OPCML: variants seen among roughly 807,000 people sequenced by gnomAD.
OPCML encodes the protein opioid-binding protein/cell adhesion molecule.
In OPCML, 13 loss-of-function variants were observed where a neutral mutation model predicts 37.8. That is an observed-to-expected ratio of 0.34 (90% CI 0.22 to 0.55). OPCML has a LOEUF of 0.55. OPCML is among the 20% of genes least tolerant of loss of function. OPCML has a pLI of 0.91. For missense variants in OPCML, 341 were observed against 435.6 expected (o/e 0.78, Z 1.93); for synonymous variants, 176 against 168.8 (o/e 1.04, Z -0.33).
Position 133,525,479 on chromosome 11 carries a change from G to A in OPCML, c.61+6785C>T, listed in dbSNP as rs117425731. ...CCTTGTGGGTCATTTGAAGTGTTTC[G>A]AAGTCTATTCTAAAGTCAACCGGAA... On this transcript the variant is annotated intron_variant, in intron 1 of 7. Transcript: ENST00000524381. 6.4e-4 allele frequency among the ~76,000 whole-genome samples: 98 copies of A among 152,236 alleles called. 1 individual carries two copies. The highest frequency in any genetic ancestry group is 1.2e-3 in the Non-Finnish European group (82 of 68,010).
chr11:133,488,742 C>T (rs1438111193), intron 1 of OPCML, among the ~76,000 whole-genome samples: 1 of 151,922 alleles, frequency 6.6e-6, no homozygotes, highest in Non-Finnish European at 1.5e-5. Flanking sequence ...TTATATGGGA[C>T]AAAATAAAAA....
intron 2 of OPCML, among the ~76,000 whole-genome samples, chr11:132,869,249 C>T (rs1262829720): frequency 6.6e-6 from 1 of 152,144 alleles, no homozygotes; most frequent in African/African-American, 2.4e-5. Flanking sequence ...AAGGAAGACC[C>T]AGGCCTGGCA....
intron 2 of OPCML, among the ~76,000 whole-genome samples, chr11:132,769,575 A>G (rs530031075): frequency 5.3e-5 from 8 of 152,304 alleles, no homozygotes; most frequent in African/African-American, 1.9e-4. Context: ...TTCTCTTTTC[A>G]ATATCTGCTC....
intron 1 of OPCML, among the ~76,000 whole-genome samples, chr11:133,207,871 A>G (rs1467093844): frequency 2.0e-5 from 3 of 151,542 alleles, no homozygotes; most frequent in Non-Finnish European, 4.4e-5. Flanking sequence ...TTCTCCTCAC[A>G]CTCTACTGTG....
chr11:133,480,400 C>T (rs558163657), intron 1 of OPCML, among the ~76,000 whole-genome samples: 2 of 152,258 alleles, frequency 1.3e-5, no homozygotes, highest in Admixed American at 6.5e-5. Context: ...CGGCATCCCA[C>T]TGCCTTCTGC....
At chr11:133,327,992 C>A (rs1943518286) in intron 1 of OPCML, among the ~76,000 whole-genome samples, 1 of 152,114 alleles carries the variant, frequency 6.6e-6, no homozygotes, top group South Asian at 2.1e-4. Context: ...AGATATTCTT[C>A]AGTTTCCGTT....
At chr11:133,486,037 C>A (rs1299094403) in intron 1 of OPCML, among the ~76,000 whole-genome samples, 1 of 152,096 alleles carries the variant, frequency 6.6e-6, no homozygotes, top group South Asian at 2.1e-4. Context: ...GTTAGAGGAT[C>A]TTTGTTTAAG....
intron 2 of OPCML, among the ~76,000 whole-genome samples, chr11:132,903,122 T>G (rs529605921): frequency 3.3e-5 from 5 of 152,348 alleles, no homozygotes; most frequent in African/African-American, 1.2e-4. Flanking sequence ...TCTTTGAGTC[T>G]CATATTATGG....
chr11:132,687,842 T>C (rs1173656368), intron 2 of OPCML, among the ~76,000 whole-genome samples: 1 of 152,168 alleles, frequency 6.6e-6, no homozygotes, highest in South Asian at 2.1e-4. Flanking sequence ...CCATACTCAC[T>C]GAAAAGTAGA....
chr11:132,435,713 G>C (rs1030588089), intron 7 of OPCML, among the ~76,000 whole-genome samples: 1 of 152,134 alleles, frequency 6.6e-6, no homozygotes, highest in African/African-American at 2.4e-5. Context: ...CAGGTGACTT[G>C]GTTTAAAGCA....
chr11:132,628,328 CTG>C (rs1939871382), intron 3 of OPCML, among the ~76,000 whole-genome samples: 1 of 152,126 alleles, frequency 6.6e-6, no homozygotes, highest in Non-Finnish European at 1.5e-5. Flanking sequence ...TGTTTGGAAA[CTG>C]TATGAAAAAA....
chr11:132,420,666 A>G (rs191655456), intron 7 of OPCML, among the ~76,000 whole-genome samples: 9 of 152,256 alleles, frequency 5.9e-5, no homozygotes, highest in Non-Finnish European at 1.0e-4. Context: ...ACAGACAATG[A>G]TGAGTCGGGG....
intron 4 of OPCML, among the ~76,000 whole-genome samples, chr11:132,473,041 C>A (rs1306988524): frequency 6.6e-6 from 1 of 152,144 alleles, no homozygotes; most frequent in Non-Finnish European, 1.5e-5. Flanking sequence ...GGAAGAGGAA[C>A]CATATTAAGC....
intron 2 of OPCML, among the ~76,000 whole-genome samples, chr11:132,831,505 A>G (rs1940686605): frequency 6.6e-6 from 1 of 152,126 alleles, no homozygotes; most frequent in Non-Finnish European, 1.5e-5. Flanking sequence ...GCTTCATCAG[A>G]CACATCAACA....
intron 1 of OPCML, among the ~76,000 whole-genome samples, chr11:133,289,575 A>C (rs1942410727): frequency 7.0e-6 from 1 of 143,718 alleles, no homozygotes; most frequent in Admixed American, 7.0e-5. Context: ...AGCCTGGGCG[A>C]CAGAGCGAGA....
chr11:132,835,930 T>TA (rs986325890), intron 2 of OPCML, among the ~76,000 whole-genome samples: 9 of 152,198 alleles, frequency 5.9e-5, no homozygotes, highest in Admixed American at 5.9e-4. Flanking sequence ...GCTGTCTACT[T>TA]ACAAATATCC....
intron 1 of OPCML, among the ~76,000 whole-genome samples, chr11:133,373,446 T>TATATATATATAC (rs1482064315): frequency 1.6e-4 from 21 of 133,270 alleles, no homozygotes; most frequent in Admixed American, 6.1e-4. Context: ...TATATATATA[T>TATATATATATAC]ATACACACAC....
intron 2 of OPCML, among the ~76,000 whole-genome samples, chr11:132,694,160 C>T (rs1337694340): frequency 1.1e-5 from 1 of 94,804 alleles, no homozygotes; most frequent in Admixed American, 1.2e-4. Context: ...AAAAGAGTTT[C>T]GTTCTGTGAA....
intron 3 of OPCML, among the ~76,000 whole-genome samples, chr11:132,631,093 C>T (rs1481725393): frequency 6.6e-6 from 1 of 151,828 alleles, no homozygotes; most frequent in Non-Finnish European, 1.5e-5. Flanking sequence ...TGATAGATAT[C>T]AAAAGAGTAC....
Sources: allele counts gnomAD v4.1 joint callset (sites outside exome capture counted in the v4.1 genomes callset), GRCh38; gene constraint gnomAD v4.1.1; transcripts MANE v1.5; gene names NCBI Gene and HGNC (gene_info 2026-07-23, HGNC 2026-07-21).